Variants in HEATR5A observed in about 807,000 individuals in gnomAD.
HEATR5A encodes HEAT repeat-containing protein 5A.
Under a neutral mutation model 218.8 loss-of-function variants are expected in HEATR5A, and 178 were observed. The observed-to-expected ratio is 0.81, with a 90% confidence interval of 0.72 to 0.92. The LOEUF (loss-of-function observed/expected upper bound fraction) is 0.92, where lower values mean the gene tolerates loss of function less well. HEATR5A is among the 40% of genes least tolerant of loss of function. The pLI, the probability that HEATR5A is intolerant of heterozygous loss-of-function variation, is 0.00. For synonymous variants in HEATR5A, 864 were observed against 871.6 expected (o/e 0.99, Z 0.15); for missense variants, 2,420 against 2,418.9 (o/e 1.00, Z -0.01).
chr14:31,401,968 A>T lies in HEATR5A; in HGVS notation c.126+882T>A, dbSNP rs1377385928. Among the ~76,000 whole-genome samples, 39 of 152,188 alleles carry T rather than the reference A, an allele frequency of 2.6e-4. 1 individual carries two copies. Among genetic ancestry groups the T allele is most frequent in the Non-Finnish European group, 1.5e-5 (1 of 68,030 alleles). ...ATTCAGGTGCTCAATGAGGCCTAAA[A>T]TTCCACAATAAAATATTTGTCAGTG... is the stretch of plus-strand genomic sequence containing the variant. On this transcript the variant is annotated intron_variant, in intron 2 of 35. Transcript: ENST00000543095.
At chr14:31,375,025 A>C (rs1456107239) in intron 11 of HEATR5A, 57 bp from the exon 12 acceptor site, 5 of 1,401,334 alleles carry the variant, frequency 3.6e-6, no homozygotes, top group African/African-American at 1.5e-5. Flanking sequence ...ACTCTTTAAA[A>C]CTCTATTATT....
Position 31,369,239 on chromosome 14 carries a change from C to G in HEATR5A, c.1961+2571G>C, listed in dbSNP as rs114725615. ...TTAAGCCTGGGAGGATCACTTAAGC[C>G]TGGGAGCCTGGGGCTGCAGTGAACC... On this transcript the variant is annotated intron_variant, in intron 13 of 35. Transcript: ENST00000543095. 8.7e-3 allele frequency among the ~76,000 whole-genome samples: 1,322 copies of G among 152,088 alleles called. 16 individuals carry two copies. Among genetic ancestry groups the G allele is most frequent in the African/African-American group, 0.03 (1,231 of 41,442 alleles).
rs549228320 is a variant in HEATR5A at position 31,418,758 on chromosome 14, T to A, written c.-75+1714A>T. On this transcript the variant is annotated intron_variant, in intron 1 of 35. Coordinates refer to ENST00000543095, the MANE Select transcript of HEATR5A (RefSeq NM_015473.4). ...CCACACAAGACTCAATAGAGCTTTT[T>A]AAAAAAATGCAGATGTCATTAAACG... 8.5e-5 allele frequency among the ~76,000 whole-genome samples: 13 copies of A among 152,258 alleles called. No individual in the cohort carries two copies. The East Asian group carries it at 2.3e-3, about 27-fold the overall frequency.
At position 31,395,048 on chromosome 14, in the gene HEATR5A, A is replaced by T. The variant is rs1246875796; in HGVS notation, c.597+151T>A. 3 of 468,310 alleles carry T rather than the reference A, an allele frequency of 6.4e-6. No individual in the cohort carries two copies. The Admixed American group carries it at 1.1e-4, about 16-fold the overall frequency. The allele number at this position is 468,310 out of a possible 1,614,324, so 29.0% of individuals were successfully genotyped here. ...ACTCTTTGAACCTTGGGAAATTCAT[A>T]TAACTCTGGGCCTTAGTTTCCTCAT... is the stretch of plus-strand genomic sequence containing the variant. On this transcript the variant is annotated intron_variant, in intron 5 of 35. Coordinates refer to ENST00000543095, the MANE Select transcript of HEATR5A (RefSeq NM_015473.4).
At chr14:31,400,842 TTG>T (rs2030846730) in intron 2 of HEATR5A, among the ~76,000 whole-genome samples, 2 of 37,640 alleles carry the variant, frequency 5.3e-5, no homozygotes, top group Non-Finnish European at 1.1e-4. Context: ...ATTATTATTA[TTG>T]TTTTTTTTTT....
chr14:31,295,089 T>C (rs1381908146), intron 34 of HEATR5A, among the ~76,000 whole-genome samples: 1 of 152,160 alleles, frequency 6.6e-6, no homozygotes, highest in African/African-American at 2.4e-5. Context: ...CAGGAGTAGA[T>C]ATATGTGTGA....
intron 19 of HEATR5A, among the ~76,000 whole-genome samples, chr14:31,347,293 C>A (rs1901055123): frequency 6.6e-6 from 1 of 152,148 alleles, no homozygotes; most frequent in Non-Finnish European, 1.5e-5. Flanking sequence ...CTTATGGCAA[C>A]CTCTGTCTCC....
Position 31,400,296 on chromosome 14 carries a change from C to T in HEATR5A, c.338+5G>A. 3 of 1,520,838 alleles carry T rather than the reference C, an allele frequency of 2.0e-6. No individual in the cohort carries two copies. The East Asian group carries it at 7.4e-5, about 37-fold the overall frequency. The allele number at this position is 1,520,838 out of a possible 1,614,324, so 94.2% of individuals were successfully genotyped here. ...TTTTCTGTTCTGTTTTAATGTTTCA[C>T]TTACAGCTTAGTGGGAAGATAACTT... On this transcript the variant is annotated splice_donor_5th_base_variant and intron_variant, in intron 3 of 35. Transcript: ENST00000543095.
chr14:31,363,818 C>T (rs10149123), intron 14 of HEATR5A, among the ~76,000 whole-genome samples: 12,669 of 151,950 alleles, frequency 0.083, 604 homozygotes, highest in East Asian at 0.16. Context: ...CTGTCTCTAA[C>T]GAAAATACAA....
chr14:31,387,488 C>T, intron 7 of HEATR5A, 113 bp from the exon 8 acceptor site: 1 of 845,062 alleles, frequency 1.2e-6, no homozygotes, highest in Non-Finnish European at 1.8e-6. Context: ...AAATTGTATT[C>T]TTTCCTAATT....
chr14:31,404,215 G>A (rs1433835340), intron 1 of HEATR5A, among the ~76,000 whole-genome samples: 1 of 152,100 alleles, frequency 6.6e-6, no homozygotes, highest in African/African-American at 2.4e-5. Flanking sequence ...TACAAAAGAT[G>A]GGTATTCCTA....
At chr14:31,419,949 G>A (rs2031587934) in intron 1 of HEATR5A, among the ~76,000 whole-genome samples, 3 of 152,256 alleles carry the variant, frequency 2.0e-5, no homozygotes, top group Non-Finnish European at 4.4e-5. Flanking sequence ...CTCTTTGAGG[G>A]TTCCTGCAGA....
At chr14:31,332,943 G>A (rs1181345465) in intron 22 of HEATR5A, among the ~76,000 whole-genome samples, 3 of 149,590 alleles carry the variant, frequency 2.0e-5, no homozygotes, top group South Asian at 2.1e-4. Context: ...CCAAGATCGC[G>A]CCACTGCACT....
intron 31 of HEATR5A, among the ~76,000 whole-genome samples, chr14:31,306,074 A>G (rs1049392477): frequency 6.6e-6 from 1 of 152,212 alleles, no homozygotes; most frequent in African/African-American, 2.4e-5. Flanking sequence ...CTAGTAGCGT[A>G]AGGGATTTAT....
intron 1 of HEATR5A, among the ~76,000 whole-genome samples, chr14:31,411,866 C>CT (rs905619307): frequency 6.6e-5 from 10 of 151,092 alleles, no homozygotes; most frequent in East Asian, 5.8e-4. Flanking sequence ...TGATTTCTTT[C>CT]TTTTTTTTTA....
intron 9 of HEATR5A, among the ~76,000 whole-genome samples, chr14:31,385,936 C>T (rs2139281188): frequency 6.6e-6 from 1 of 152,256 alleles, no homozygotes; most frequent in Middle Eastern, 3.4e-3. Context: ...CCATGTTGGC[C>T]AGGCTGGTCT....
chr14:31,324,175 C>T (rs775470404), intron 23 of HEATR5A, among the ~76,000 whole-genome samples: 55 of 152,170 alleles, frequency 3.6e-4, no homozygotes, highest in Middle Eastern at 3.4e-3. Flanking sequence ...TCAAAATTCT[C>T]GGGTGTGGGT....
At chr14:31,333,314 T>C (rs1566757984) in intron 22 of HEATR5A, among the ~76,000 whole-genome samples, 1 of 152,084 alleles carries the variant, frequency 6.6e-6, no homozygotes, top group Non-Finnish European at 1.5e-5. Context: ...AGTGGCGTGA[T>C]CTTGGCTCAC....
chr14:31,301,092 CATTTT>C (rs1159296961), intron 33 of HEATR5A, among the ~76,000 whole-genome samples: 6 of 152,106 alleles, frequency 3.9e-5, no homozygotes, highest in African/African-American at 1.4e-4. Context: ...CAGTTGAAAA[CATTTT>C]ATATGTAAAA....
Sources: allele counts gnomAD v4.1 joint callset (sites outside exome capture counted in the v4.1 genomes callset), GRCh38; gene constraint gnomAD v4.1.1; transcripts MANE v1.5; gene names NCBI Gene and HGNC (gene_info 2026-07-23, HGNC 2026-07-21).